Variants in TG observed in about 807,000 individuals in gnomAD.
The protein encoded by TG is thyroglobulin.
A neutral mutation model predicts 324.7 loss-of-function variants in TG; 270 were observed. The ratio of observed to expected loss-of-function variants is 0.83; its 90% confidence interval spans 0.75 to 0.92. TG has a LOEUF of 0.92. Ranked by LOEUF, TG falls within the 40% of genes least tolerant of loss-of-function variation. The probability of loss-of-function intolerance (pLI) is 0.00; values close to 1 mark genes in which losing one functional copy is unlikely to be tolerated. For synonymous variants in TG, 1,401 were observed against 1,327.0 expected, an observed-to-expected ratio of 1.06 and a Z score of -1.21; for missense variants, 3,591 against 3,456.4, an observed-to-expected ratio of 1.04 and a Z score of -0.98.
intron 27 of TG, among the ~76,000 whole-genome samples, chr8:132,959,386 G>T (rs934379269): frequency 6.6e-6 from 1 of 152,178 alleles, no homozygotes; most frequent in African/African-American, 2.4e-5. Flanking sequence ...AAGATTATAA[G>T]ATTAATGCAT....
chr8:132,946,622 A>G (rs994370894), intron 26 of TG, among the ~76,000 whole-genome samples: 2 of 151,826 alleles, frequency 1.3e-5, no homozygotes, highest in Admixed American at 6.6e-5. Context: ...TCCCCTCCCA[A>G]CAAGTCTCTA....
At chr8:132,983,210 G>A (rs957894567) in intron 34 of TG, 140 bp from the exon 35 acceptor site, 2 of 875,146 alleles carry the variant, frequency 2.3e-6, no homozygotes, top group Non-Finnish European at 3.9e-6. Context: ...AGCCCACCCT[G>A]ACCGATACAG....
intron 28 of TG, 98 bp downstream of exon 28, chr8:132,961,171 G>T: frequency 8.2e-7 from 1 of 1,213,830 alleles, no homozygotes; most frequent in Non-Finnish European, 1.2e-6. Context: ...TTCTGTAGAG[G>T]AATAGGTAGA....
At chr8:132,995,084 C>G in intron 35 of TG, 24 of 965,284 alleles carry the variant, frequency 2.5e-5, no homozygotes, top group Non-Finnish European at 2.9e-5. Flanking sequence ...AGGAGCCAGG[C>G]AAAAGCAGAA....
chr8:133,125,642 G>A (rs1223073118), intron 45 of TG, among the ~76,000 whole-genome samples: 1 of 152,226 alleles, frequency 6.6e-6, no homozygotes, highest in African/African-American at 2.4e-5. Context: ...ACTTCAGAGA[G>A]GACGTGGAAG....
At chr8:132,937,234 G>A (rs76095530) in intron 25 of TG, among the ~76,000 whole-genome samples, 3,717 of 152,244 alleles carry the variant, frequency 0.024, 144 homozygotes, top group African/African-American at 0.085. Context: ...TCTGAGGTTC[G>A]TAACTCAGGG....
chr8:132,897,604 C>A, intron 11 of TG, 45 bp from the exon 12 acceptor site: 2 of 1,613,456 alleles, frequency 1.2e-6, no homozygotes, highest in Non-Finnish European at 1.7e-6. Context: ...AGAGCCCACA[C>A]AGAGCAGGTG....
chr8:133,103,507 C>A (rs376705083), intron 43 of TG, among the ~76,000 whole-genome samples: 4 of 152,172 alleles, frequency 2.6e-5, no homozygotes, highest in South Asian at 2.1e-4. Context: ...CTTGTCCCCC[C>A]CAAAATATTA....
intron 27 of TG, among the ~76,000 whole-genome samples, chr8:132,957,768 C>CACACACACACACACACACACAG (rs1397741550): frequency 2.1e-5 from 3 of 144,918 alleles, no homozygotes; most frequent in East Asian, 1.9e-4. Flanking sequence ...CACACACACA[C>CACACACACACACACACACACAG]ACACACACAC....
intron 41 of TG, among the ~76,000 whole-genome samples, chr8:133,073,676 A>T (rs59056866): frequency 2.0e-5 from 3 of 152,172 alleles, no homozygotes; most frequent in Non-Finnish European, 4.4e-5. Context: ...AGCAAACCAC[A>T]CAATGACAAT....
intron 17 of TG, 142 bp from the exon 18 acceptor site, chr8:132,908,044 A>G: frequency 1.1e-6 from 1 of 944,200 alleles, no homozygotes; most frequent in Non-Finnish European, 1.6e-6. Context: ...AAGTACTTAG[A>G]CTCAGAATGA....
intron 43 of TG, among the ~76,000 whole-genome samples, chr8:133,099,646 G>A (rs1848955590): frequency 1.3e-5 from 2 of 152,166 alleles, no homozygotes; most frequent in Non-Finnish European, 2.9e-5. Flanking sequence ...CAACCAGCAT[G>A]TTCTTCTGTA....
rs770534867 is a variant in TG at position 132,913,247 on chromosome 8, C to G, written c.4360C>G (p.Gln1454Glu). The G allele has an allele frequency of 6.2e-7, 1 of 1,614,160 alleles. No individual in the cohort carries two copies. Among genetic ancestry groups the G allele is most frequent in the Non-Finnish European group, 8.5e-7 (1 of 1,180,036 alleles). The change falls in exon 20 of 48, where the codon CAG (glutamine) becomes GAG (glutamate). Residue 1454 changes from glutamine (Q) to glutamate (E), a missense_variant. Transcript: ENST00000220616. Reference sequence around the variant, plus strand: ...CCAAGTCTTGACAAGTGAGGCCAGTCAGGACGGACTGGGATGCGGTAGGTC... The same window carrying G: ...CCAAGTCTTGACAAGTGAGGCCAGTGAGGACGGACTGGGATGCGGTAGGTC... ...FYQVLTSEAS[Q>E]DGLGCVKCPE...
intron 43 of TG, among the ~76,000 whole-genome samples, chr8:133,104,739 A>G (rs2131713387): frequency 6.6e-6 from 1 of 152,254 alleles, no homozygotes; most frequent in East Asian, 1.9e-4. Flanking sequence ...GAGTAACGGG[A>G]AGGAAAGGCT....
At chr8:133,044,919 G>A (rs1175085274) in intron 41 of TG, 32 of 1,541,034 alleles carry the variant, frequency 2.1e-5, no homozygotes, top group South Asian at 6.7e-5. Flanking sequence ...GACGGATGGC[G>A]CCACAGAGCA....
intron 35 of TG, among the ~76,000 whole-genome samples, chr8:133,007,501 G>T (rs1834124653): frequency 6.6e-6 from 1 of 152,056 alleles, no homozygotes; most frequent in African/African-American, 2.4e-5. Flanking sequence ...AATTAGACCA[G>T]ACTGAGTATT....
intron 39 of TG, among the ~76,000 whole-genome samples, chr8:133,020,162 G>A (rs1275311631): frequency 6.6e-6 from 1 of 152,248 alleles, no homozygotes; most frequent in African/African-American, 2.4e-5. Context: ...GATGGGCAGA[G>A]TGGAGGCTCA....
intron 10 of TG, 88 bp from the exon 11 acceptor site, chr8:132,893,602 G>C (rs984432949): frequency 1.0e-5 from 16 of 1,583,756 alleles, no homozygotes; most frequent in Non-Finnish European, 1.3e-5. Context: ...GTGTGTATGT[G>C]TGTGCGTGAG....
chr8:132,968,971 C>T (rs957888829), intron 31 of TG, among the ~76,000 whole-genome samples: 6 of 152,152 alleles, frequency 3.9e-5, no homozygotes, highest in African/African-American at 1.4e-4. Context: ...AGAGAACGAA[C>T]CTTCTATCTT....
Sources: gnomAD v4.1 joint callset for allele counts (sites outside exome capture counted in the v4.1 genomes callset) on GRCh38, gnomAD v4.1.1 for gene constraint, MANE v1.5 for transcripts, NCBI Gene and HGNC (gene_info 2026-07-23, HGNC 2026-07-21) for gene names.